GRM7: variants seen among roughly 807,000 people sequenced by gnomAD.
GRM7 encodes glutamate metabotropic receptor 7, also known as metabotropic glutamate receptor 7.
Under a neutral mutation model 84.5 loss-of-function variants are expected in GRM7, and 35 were observed. The ratio of observed to expected loss-of-function variants is 0.41; its 90% CI spans 0.32 to 0.55. GRM7 has a LOEUF of 0.55. Ranked by LOEUF, GRM7 falls within the 20% of genes least tolerant of loss-of-function variation. The probability of loss-of-function intolerance (pLI) is 0.19; values close to 1 mark genes in which losing one functional copy is unlikely to be tolerated. For missense variants in GRM7, 1,003 were observed against 1,194.6 expected (o/e 0.84, Z 2.36); for synonymous variants, 487 against 455.1 (o/e 1.07, Z -0.89).
At chr3:7,080,927 C>G (rs1388413488) in intron 1 of GRM7, among the ~76,000 whole-genome samples, 1 of 151,994 alleles carries the variant, frequency 6.6e-6, no homozygotes, top group Non-Finnish European at 1.5e-5. Flanking sequence ...TTCATTCATT[C>G]ATTGTATAAT....
At chr3:7,424,774 A>G (rs1696537285) in intron 5 of GRM7, among the ~76,000 whole-genome samples, 1 of 152,204 alleles carries the variant, frequency 6.6e-6, no homozygotes, top group Non-Finnish European at 1.5e-5. Context: ...TACAGGAGGC[A>G]GAAAGAAAAC....
At chr3:7,308,651 A>C (rs150062500) in intron 4 of GRM7, among the ~76,000 whole-genome samples, 245 of 152,230 alleles carry the variant, frequency 1.6e-3, no homozygotes, top group Middle Eastern at 6.8e-3. Context: ...GTGAGATGTG[A>C]TTGTGGTGGC....
chr3:7,303,554 A>G (rs1221525509), intron 3 of GRM7, among the ~76,000 whole-genome samples: 1 of 152,166 alleles, frequency 6.6e-6, no homozygotes, highest in Admixed American at 6.5e-5. Flanking sequence ...TATTGTGATT[A>G]TATAAATATG....
At chr3:7,210,018 G>C (rs896612160) in intron 2 of GRM7, among the ~76,000 whole-genome samples, 2 of 152,100 alleles carry the variant, frequency 1.3e-5, no homozygotes, top group Non-Finnish European at 2.9e-5. Flanking sequence ...TACCATTCTT[G>C]CAGAGAGGAT....
At chr3:7,576,986 A>G (rs753320767) in intron 7 of GRM7, among the ~76,000 whole-genome samples, 2 of 152,132 alleles carry the variant, frequency 1.3e-5, no homozygotes, top group East Asian at 1.9e-4. Context: ...TTGTCTTTCC[A>G]CTCAGCTTCC....
intron 4 of GRM7, among the ~76,000 whole-genome samples, chr3:7,366,801 T>C (rs1267550889): frequency 3.3e-5 from 5 of 151,866 alleles, no homozygotes; most frequent in Non-Finnish European, 7.4e-5. Flanking sequence ...TACTCTCTTA[T>C]CAGTTTTTCT....
chr3:7,484,462 C>A (rs186424941), intron 7 of GRM7, among the ~76,000 whole-genome samples: 1 of 152,248 alleles, frequency 6.6e-6, no homozygotes, highest in Admixed American at 6.5e-5. Context: ...TGTCAATACC[C>A]ATAAAGTGTG....
At chr3:7,602,320 A>T (rs890619458) in intron 8 of GRM7, among the ~76,000 whole-genome samples, 3 of 152,004 alleles carry the variant, frequency 2.0e-5, no homozygotes, top group African/African-American at 7.2e-5. Flanking sequence ...AGGTTTTACA[A>T]CCTGTGAAAT....
chr3:7,081,205 A>T (rs1325685616), intron 1 of GRM7, among the ~76,000 whole-genome samples: 1 of 152,060 alleles, frequency 6.6e-6, no homozygotes, highest in Non-Finnish European at 1.5e-5. Flanking sequence ...TATAAATTGA[A>T]GGTCTCTGGC....
intron 4 of GRM7, among the ~76,000 whole-genome samples, chr3:7,376,207 C>T (rs1418924770): frequency 1.3e-5 from 2 of 152,218 alleles, no homozygotes; most frequent in Non-Finnish European, 2.9e-5. Flanking sequence ...TTCTCGCTGA[C>T]TGCATGTTTC....
At chr3:6,919,239 C>T (rs1697038925) in intron 1 of GRM7, among the ~76,000 whole-genome samples, 1 of 151,944 alleles carries the variant, frequency 6.6e-6, no homozygotes, top group South Asian at 2.1e-4. Flanking sequence ...CACTCTGTCA[C>T]CCTGGCTGGA....
rs113646971 is a variant in GRM7, at chr3:7,306,405, G to T, written c.879-93G>T. On this transcript the variant is annotated intron_variant, in intron 3 of 9. Coordinates refer to ENST00000357716, the MANE Select transcript of GRM7 (RefSeq NM_000844.4). Reference sequence around the variant, plus strand: ...TTGCAATTATTTACTTTTTGAGGAAGAATAGTACCTTTCCTTTTGCTGACT... The same window carrying T: ...TTGCAATTATTTACTTTTTGAGGAATAATAGTACCTTTCCTTTTGCTGACT... 50 of 1,059,072 alleles carry T rather than the reference G, an allele frequency of 4.7e-5. 1 individual carries two copies. The African/African-American group carries it at 6.6e-4, about 14-fold the overall frequency. The allele number at this position is 1,059,072 out of a possible 1,614,324, so 65.6% of individuals were successfully genotyped here. A position where few individuals can be genotyped will look rare whatever the true frequency, so the allele number is the denominator to read the frequency against.
chr3:7,204,432 C>A (rs1181814721), intron 2 of GRM7, among the ~76,000 whole-genome samples: 1 of 152,224 alleles, frequency 6.6e-6, no homozygotes, highest in African/African-American at 2.4e-5. Context: ...TTTAACCAGT[C>A]TTTTTGGTCA....
chr3:7,321,464 A>G (rs1700778880), intron 4 of GRM7, among the ~76,000 whole-genome samples: 1 of 152,070 alleles, frequency 6.6e-6, no homozygotes, highest in Non-Finnish European at 1.5e-5. Flanking sequence ...CCTCCTAAGG[A>G]AATAGGTAGT....
At chr3:7,309,424 C>A (rs1700313438) in intron 4 of GRM7, among the ~76,000 whole-genome samples, 1 of 152,086 alleles carries the variant, frequency 6.6e-6, no homozygotes, top group African/African-American at 2.4e-5. Flanking sequence ...TCCTGTTTTG[C>A]AGATGTTTCA....
chr3:7,421,740 G>A, intron 5 of GRM7, among the ~76,000 whole-genome samples: 1 of 151,932 alleles, frequency 6.6e-6, no homozygotes, highest in Non-Finnish European at 1.5e-5. Context: ...CTGTGGTTTT[G>A]ATGACTCCAG....
Position 7,360,490 on chromosome 3 carries a change from G to A in GRM7, c.1033+53838G>A, listed in dbSNP as rs113779146. 5.8e-3 allele frequency among the ~76,000 whole-genome samples: 875 copies of A among 152,108 alleles called. 6 individuals are homozygous for A. The highest frequency in any genetic ancestry group is 0.02 in the African/African-American group (836 of 41,506). On this transcript the variant is annotated intron_variant, in intron 4 of 9. Transcript: ENST00000357716. ...TAAGATTATGTAAATTATCCCCAAG[G>A]TTCTATAAAACGGTATTTTTTGGTT...
chr3:6,950,552 A>G (rs1391009251), intron 1 of GRM7, among the ~76,000 whole-genome samples: 2 of 152,214 alleles, frequency 1.3e-5, no homozygotes, highest in Non-Finnish European at 2.9e-5. Flanking sequence ...CTCCAGCTGC[A>G]TGCTGGGAGA....
chr3:7,442,498 T>C (rs1697331774), intron 5 of GRM7, among the ~76,000 whole-genome samples: 1 of 59,376 alleles, frequency 1.7e-5, no homozygotes. Context: ...TTATGACTTT[T>C]GTAAAAATAA....
Sources: allele counts gnomAD v4.1 joint callset (sites outside exome capture counted in the v4.1 genomes callset), GRCh38; gene constraint gnomAD v4.1.1; transcripts MANE v1.5; gene names NCBI Gene and HGNC (gene_info 2026-07-23, HGNC 2026-07-21).